Variants in GALNT15 observed in about 807,000 individuals in gnomAD.
The protein encoded by GALNT15 is polypeptide N-acetylgalactosaminyltransferase 15.
GALNT15 carries 67 observed loss-of-function variants against 66.8 expected under a neutral mutation model. The ratio of observed to expected loss-of-function variants is 1.00; its 90% CI spans 0.82 to 1.23. The LOEUF is 1.23. Ranked by LOEUF, GALNT15 falls within the 50% of genes most tolerant of loss-of-function variation. The pLI is 0.00. For missense variants in GALNT15, 827 were observed against 804.3 expected, an observed-to-expected ratio of 1.03 and a Z score of -0.34; for synonymous variants, 313 against 311.5, an observed-to-expected ratio of 1.00 and a Z score of -0.05.
chr3:16,217,363 G>C (rs372149171), intron 6 of GALNT15, among the ~76,000 whole-genome samples: 1 of 152,128 alleles, frequency 6.6e-6, no homozygotes, highest in African/African-American at 2.4e-5. Flanking sequence ...TTAGCAGAGG[G>C]CTCCTTTTAT....
chr3:16,214,368 A>G (rs963670414), intron 6 of GALNT15, among the ~76,000 whole-genome samples: 4 of 152,232 alleles, frequency 2.6e-5, no homozygotes, highest in African/African-American at 9.6e-5. Flanking sequence ...AGTATTGGTT[A>G]TATGATCCGA....
chr3:16,204,570 C>A lies in GALNT15; in HGVS notation c.911+3747C>A, dbSNP rs1335478670. Among the ~76,000 whole-genome samples the A allele has an allele frequency of 6.6e-6, 1 of 152,130 alleles. No homozygotes were observed. Among genetic ancestry groups the A allele is most frequent in the Non-Finnish European group, 1.5e-5 (1 of 68,010 alleles). On this transcript the variant is annotated intron_variant, in intron 3 of 9. Transcript: ENST00000339732. The surrounding 1 kb of genome is among the most constrained non-coding windows in gnomAD (Gnocchi z 4.5). ...ACTAGCTGTTGTATCCAGCTCTCAG[C>A]TGACTTGTGTTGACTGCCAGCTCTC...
intron 6 of GALNT15, 64 bp downstream of exon 6, chr3:16,212,827 G>A: frequency 7.0e-7 from 1 of 1,430,442 alleles, no homozygotes; most frequent in Admixed American, 1.9e-5. Context: ...AGGTGGGCCA[G>A]GGAGGGCTCC....
At chr3:16,231,959 A>G, downstream of GALNT15, 2 of 1,506,132 alleles carry the variant, frequency 1.3e-6, no homozygotes, top group Admixed American at 2.2e-5. This position sits in a 1 kb window ranked among gnomAD's most constrained non-coding sequence, Gnocchi z 4.1. Flanking sequence ...GCATTGTTTA[A>G]TGTCTTATTT....
chr3:16,247,414 C>A, the GALNT15 span, among the ~76,000 whole-genome samples: 1 of 152,210 alleles, frequency 6.6e-6, no homozygotes, highest in Non-Finnish European at 1.5e-5. Flanking sequence ...GATTCAAATC[C>A]AGGAACGTCA....
chr3:16,201,164 TTTTTTCTTTTTC>T (rs59395998), intron 3 of GALNT15, among the ~76,000 whole-genome samples: 75,946 of 148,834 alleles, frequency 0.51, 19,783 homozygotes, highest in East Asian at 0.75. Flanking sequence ...TTGGCAATTT[TTTTTTCTTTTTC>T]TTTTTCTTTT....
At position 16,176,629 on chromosome 3, in the gene GALNT15, A is replaced by G. The variant is rs111253268; in HGVS notation, c.539+939A>G. On this transcript the variant is annotated intron_variant, in intron 1 of 9. Coordinates refer to ENST00000339732, the MANE Select transcript of GALNT15 (RefSeq NM_054110.5). The surrounding 1 kb of genome is among the most constrained non-coding windows in gnomAD (Gnocchi z 5.6). ...TGCTCCCTTACTGTCACCATGGCTG[A>G]CCACTGAGGAGGGAGCCTTGGTTAC... Among the ~76,000 whole-genome samples, 2,427 of 152,322 alleles carry G rather than the reference A, an allele frequency of 0.016. 65 individuals carry two copies. The highest frequency in any genetic ancestry group is 0.055 in the African/African-American group (2,295 of 41,570).
At chr3:16,240,829 C>T in the GALNT15 span, among the ~76,000 whole-genome samples, 28 of 152,322 alleles carry the variant, frequency 1.8e-4, no homozygotes, top group South Asian at 4.3e-3. Context: ...AATGACCCGC[C>T]TCCCCAGCAC....
At position 16,174,830 on chromosome 3, in the gene GALNT15, A is replaced by AT. The variant is rs923238251; in HGVS notation, c.-315dup. ...AACACCTGAGCAGAATGGAATCATT[A>AT]TTTTTTTCCCAAGGAGAAAACCGGG... On this transcript the variant is annotated 5_prime_UTR_variant, in exon 1 of 10. It introduces an in-frame stop codon into an upstream open reading frame of the 5' UTR. Coordinates refer to ENST00000339732, the MANE Select transcript of GALNT15 (RefSeq NM_054110.5). The surrounding 1 kb of genome is among the most constrained non-coding windows in gnomAD (Gnocchi z 4.7). 4.0e-5 allele frequency: 14 copies of AT among 349,312 alleles called. No homozygotes were observed. The highest frequency in any genetic ancestry group is 5.8e-5 in the Non-Finnish European group (11 of 189,538). The allele number at this position is 349,312 out of a possible 1,614,324, so 21.6% of individuals were successfully genotyped here.
chr3:16,241,082 C>A, the GALNT15 span, among the ~76,000 whole-genome samples: 3 of 152,170 alleles, frequency 2.0e-5, no homozygotes, highest in African/African-American at 4.8e-5. This position sits in a 1 kb window ranked among gnomAD's most constrained non-coding sequence, Gnocchi z 4.6. Flanking sequence ...TCCTCGAACC[C>A]CCGGGCTGAA....
rs918393109 is a variant in GALNT15, at chr3:16,200,800, C to G, written c.888C>G (p.Leu296=). Residue 296 remains leucine (L), a synonymous_variant, in exon 3 of 10, where the codon CTC becomes CTG. Coordinates refer to ENST00000339732, the MANE Select transcript of GALNT15 (RefSeq NM_054110.5). The surrounding 1 kb of genome is among the most constrained non-coding windows in gnomAD (Gnocchi z 4.4). The stretch of plus-strand genomic sequence containing the variant: ...GCCACCCAGGCTGGCTGGAGCCCCT[C>G]CTCAGCAGAATAGCTGGTGACAGGT... ...CECHPGWLEP[L]LSRIAGDRSR... is the part of the protein sequence containing the mutation. The G allele has an allele frequency of 6.2e-7, 1 of 1,609,790 alleles. No homozygotes were observed. The highest frequency in any genetic ancestry group is 1.3e-5 in the African/African-American group (1 of 74,666).
downstream of GALNT15, among the ~76,000 whole-genome samples, chr3:16,234,433 A>G (rs924903690): frequency 1.3e-5 from 2 of 152,296 alleles, no homozygotes; most frequent in African/African-American, 4.8e-5. Context: ...TTGATGACTG[A>G]CAGGAGTTGG....
intron 6 of GALNT15, among the ~76,000 whole-genome samples, chr3:16,217,339 C>G (rs1288965246): frequency 6.6e-6 from 1 of 152,178 alleles, no homozygotes; most frequent in Non-Finnish European, 1.5e-5. Flanking sequence ...CCTTATTGGT[C>G]AGTGAGAAGA....
Position 16,188,103 on chromosome 3 carries a change from T to C in GALNT15, c.540-7657T>C, listed in dbSNP as rs1205377197. Reference sequence around the variant, plus strand: ...TGATGGAAGGTCGTCGTCCAGGGCATGTGGCACATCTAGCACATCTAGCCT... The same window carrying C: ...TGATGGAAGGTCGTCGTCCAGGGCACGTGGCACATCTAGCACATCTAGCCT... On this transcript the variant is annotated intron_variant, in intron 1 of 9. Transcript: ENST00000339732. This position sits in a 1 kb window ranked among gnomAD's most constrained non-coding sequence, Gnocchi z 4.6. 2.0e-5 allele frequency among the ~76,000 whole-genome samples: 3 copies of C among 152,100 alleles called. No individual in the cohort carries two copies. In the East Asian group the frequency reaches 5.8e-4, roughly 29 times the overall value.
rs2063575260 is a variant in GALNT15, at chr3:16,191,310, C to G, written c.540-4450C>G. ...ACACACACTTTCAAGGCTGGAAGAG[C>G]CTGAGAGGTACCTCTTGTAGTAATG... On this transcript the variant is annotated intron_variant, in intron 1 of 9. Coordinates refer to ENST00000339732, the MANE Select transcript of GALNT15 (RefSeq NM_054110.5). This position sits in a 1 kb window ranked among gnomAD's most constrained non-coding sequence, Gnocchi z 5.2. 3.0e-6 allele frequency: 3 copies of G among 984,774 alleles called. No homozygotes were observed. Among genetic ancestry groups the G allele is most frequent in the African/African-American group, 3.5e-5 (2 of 57,234 alleles). The allele number at this position is 984,774 out of a possible 1,614,324, so 61.0% of individuals were successfully genotyped here.
At chr3:16,220,084 G>A in intron 8 of GALNT15, 70 bp downstream of exon 8, 1 of 1,182,094 alleles carries the variant, frequency 8.5e-7, no homozygotes, top group South Asian at 1.2e-5. Flanking sequence ...ATTTTTCTGG[G>A]ATGCCCCATA....
chr3:16,226,337 G>T (rs968353843), intron 9 of GALNT15, among the ~76,000 whole-genome samples: 9 of 152,102 alleles, frequency 5.9e-5, no homozygotes, highest in Admixed American at 5.9e-4. Flanking sequence ...GTAGTATTAT[G>T]ATCTCTATAC....
chr3:16,215,916 A>AAC, intron 6 of GALNT15, among the ~76,000 whole-genome samples: 1 of 143,524 alleles, frequency 7.0e-6, no homozygotes, highest in South Asian at 2.5e-4. Flanking sequence ...CAAAAAAAAA[A>AAC]AAAAAAAAAG....
chr3:16,219,686 G>A lies in GALNT15; in HGVS notation c.1524+152G>A. ...CCATCCCGTGCCTCCATGCCAGTCT[G>A]AGGAAGGTGGCTGAGTTTTGCCCCA... On this transcript the variant is annotated intron_variant, in intron 7 of 9. Transcript: ENST00000339732. The surrounding 1 kb of genome is among the most constrained non-coding windows in gnomAD (Gnocchi z 4.3). 1.7e-6 allele frequency: 2 copies of A among 1,177,948 alleles called. No individual in the cohort carries two copies. The highest frequency in any genetic ancestry group is 2.4e-6 in the Non-Finnish European group (2 of 827,310). 73.0% of individuals were successfully genotyped at this position (1,177,948 alleles called of 1,614,324 possible). A position where few individuals can be genotyped will look rare whatever the true frequency, so the allele number is the denominator to read the frequency against.
Sources: allele counts gnomAD v4.1 joint callset (sites outside exome capture counted in the v4.1 genomes callset), GRCh38; gene constraint gnomAD v4.1.1; non-coding constraint Gnocchi (gnomAD v3.1); transcripts MANE v1.5; gene names NCBI Gene and HGNC (gene_info 2026-07-23, HGNC 2026-07-21).